TRPV5: variants seen among roughly 807,000 people sequenced by gnomAD.
TRPV5 encodes transient receptor potential cation channel subfamily V member 5, also known as calcium transport protein 2.
A neutral mutation model predicts 74.1 loss-of-function variants in TRPV5; 66 were observed. The observed-to-expected ratio is 0.89, with a 90% CI of 0.73 to 1.09. The LOEUF (loss-of-function observed/expected upper bound fraction) is 1.09, where lower values mean the gene tolerates loss of function less well. Ranked by LOEUF, TRPV5 falls within the 50% of genes least tolerant of loss-of-function variation. The probability of loss-of-function intolerance (pLI) is 0.00; values close to 1 mark genes in which losing one functional copy is unlikely to be tolerated. For missense variants in TRPV5, 936 were observed against 930.4 expected (o/e 1.01, Z -0.08); for synonymous variants, 399 against 360.7 (o/e 1.11, Z -1.20).
Position 142,933,689 on chromosome 7 carries a change from T to G in TRPV5, c.-230A>C. The G allele has an allele frequency of 1.8e-6, 1 of 566,716 alleles. No homozygotes were observed. The allele number at this position is 566,716 out of a possible 1,614,324, so 35.1% of individuals were successfully genotyped here. On this transcript the variant is annotated 5_prime_UTR_variant, in exon 1 of 15. Coordinates refer to ENST00000265310, the MANE Select transcript of TRPV5 (RefSeq NM_019841.7). ...AGTGTGTGGCTGTGGTGTATGTGTG[T>G]GCATGCAGTGTGTGGTTGTGAGGTG... is the stretch of plus-strand genomic sequence containing the variant.
At position 142,914,866 on chromosome 7, in the gene TRPV5, C is replaced by T. The variant is rs1301640246; in HGVS notation, c.1452+15G>A. 9.3e-6 allele frequency: 15 copies of T among 1,613,470 alleles called. No homozygotes were observed. Among genetic ancestry groups the T allele is most frequent in the Admixed American group, 3.3e-5 (2 of 59,986 alleles). On this transcript the variant is annotated intron_variant, in intron 11 of 14. Transcript: ENST00000265310. The stretch of plus-strand genomic sequence containing the variant: ...CTTGTGCCTGAGGCGGAGGAAGCTT[C>T]GGGAAAGCACTGACCTTCTGGATCA...
chr7:142,915,879 C>T (rs913015096), intron 8 of TRPV5, among the ~76,000 whole-genome samples: 2 of 152,182 alleles, frequency 1.3e-5, no homozygotes, highest in South Asian at 2.1e-4. Flanking sequence ...CACATTTCAG[C>T]GCATCAAGTG....
At chr7:142,932,333 G>A (rs1796110659) in intron 1 of TRPV5, among the ~76,000 whole-genome samples, 1 of 152,326 alleles carries the variant, frequency 6.6e-6, no homozygotes, top group Admixed American at 6.5e-5. Flanking sequence ...AAGCAGGAAG[G>A]TGAGATTCCA....
chr7:142,911,988 A>C (rs4252500), intron 13 of TRPV5, among the ~76,000 whole-genome samples: 148,255 of 152,232 alleles, frequency 0.97, 72,215 homozygotes, highest in East Asian at 0.99. Flanking sequence ...ATAATAAGGT[A>C]CTAATCAGCA....
Position 142,929,509 on chromosome 7 carries a change from G to A in TRPV5, c.406C>T (p.Leu136=), listed in dbSNP as rs1434221025. The A allele has an allele frequency of 6.2e-7, 1 of 1,614,108 alleles. No homozygotes were observed. The highest frequency in any genetic ancestry group is 8.5e-7 in the Non-Finnish European group (1 of 1,180,010). The part of the protein sequence containing the change: ...VNQNVNLVRA[L]LTRRASVSAR... ...GAGACACTGGCCCTGCGGGTGAGCA[G>A]GGCACGCACCAGGTTCACATTCTGG... is the stretch of plus-strand genomic sequence containing the variant. Residue 136 remains leucine, a synonymous_variant, in exon 4 of 15, where the codon CTG becomes TTG. Coordinates refer to ENST00000265310, the MANE Select transcript of TRPV5 (RefSeq NM_019841.7).
chr7:142,931,654 C>T (rs994089518), intron 1 of TRPV5, among the ~76,000 whole-genome samples: 1 of 152,328 alleles, frequency 6.6e-6, no homozygotes, highest in Non-Finnish European at 1.5e-5. Flanking sequence ...CTCCAAATCC[C>T]TCTCTTCCAA....
chr7:142,932,383 T>C (rs562611516), intron 1 of TRPV5, among the ~76,000 whole-genome samples: 1 of 152,206 alleles, frequency 6.6e-6, no homozygotes, highest in South Asian at 2.1e-4. Context: ...GCAGAGGGCT[T>C]GACAGTATGA....
At chr7:142,919,785 C>G (rs545550870) in intron 8 of TRPV5, among the ~76,000 whole-genome samples, 1 of 152,228 alleles carries the variant, frequency 6.6e-6, no homozygotes, top group South Asian at 2.1e-4. Context: ...CAAAGCAGTG[C>G]CTGGGGCACT....
In TRPV5 at chr7:142,915,690, AC is replaced by A. The variant is rs1357837991; in HGVS notation, c.1123-123del. On this transcript the variant is annotated intron_variant, in intron 8 of 14. Transcript: ENST00000265310. Reference sequence around the variant, plus strand: ...GGAAACTCCCCTTCCCACCAGCATCACCCCACCCCCATTGTACTTGCCATTG... The same window carrying A: ...GGAAACTCCCCTTCCCACCAGCATCACCCACCCCCATTGTACTTGCCATTG... The A allele has an allele frequency of 7.0e-6, 6 of 861,696 alleles. No homozygotes were observed. In the East Asian group the frequency reaches 1.6e-4, roughly 23 times the overall value. 53.4% of individuals were successfully genotyped at this position (861,696 alleles called of 1,614,324 possible).
chr7:142,920,150 A>T (rs553109593), intron 8 of TRPV5, among the ~76,000 whole-genome samples: 7 of 152,284 alleles, frequency 4.6e-5, no homozygotes, highest in African/African-American at 1.7e-4. Context: ...CGTGTATCCC[A>T]AGTTGAGAAC....
chr7:142,912,573 G>C lies in TRPV5; in HGVS notation c.1697C>G (p.Ala566Gly), dbSNP rs757175901. 4 of 1,614,152 alleles carry C rather than the reference G, an allele frequency of 2.5e-6. 1 individual carries two copies. In the South Asian group the frequency reaches 4.4e-5, roughly 18 times the overall value. Residue 566 changes from alanine (A) to glycine (G), a missense_variant, in exon 13 of 15, where the codon GCC becomes GGC. By Grantham distance (60) the Ala-to-Gly change is moderately conservative. Coordinates refer to ENST00000265310, the MANE Select transcript of TRPV5 (RefSeq NM_019841.7). ...GAACAAGTTGAGCATGAGCAGTGTGGCAATGATGGTGAAGGCGAAGTTGAC... is the reference window on the plus strand; with the variant it reads ...GAACAAGTTGAGCATGAGCAGTGTGCCAATGATGGTGAAGGCGAAGTTGAC... Reference protein sequence around the residue: ...SIVNFAFTIIATLLMLNLFIA... With the variant: ...SIVNFAFTIIGTLLMLNLFIA...
At position 142,912,506 on chromosome 7, in the gene TRPV5, C is replaced by G. The variant is rs1205054791; in HGVS notation, c.1764G>C (p.Glu588Asp). The part of the protein sequence containing the change: ...MGDTHWRVAQ[E>D]RDELWRAQVV... ...CCTGGGCCCTCCAGAGCTCATCCCT[C>G]TCCTGGGCCACCCTCCAGTGGGTGT... The change falls in exon 13 of 15, where the codon GAG (glutamate) becomes GAC (aspartate). Residue 588 changes from glutamate (E) to aspartate (D), a missense_variant. Transcript: ENST00000265310. The G allele has an allele frequency of 1.2e-6, 2 of 1,614,090 alleles. No individual in the cohort carries two copies. The highest frequency in any genetic ancestry group is 1.7e-6 in the Non-Finnish European group (2 of 1,180,024).
At chr7:142,928,009 G>T in intron 7 of TRPV5, 79 bp downstream of exon 7, 1 of 1,571,906 alleles carries the variant, frequency 6.4e-7, no homozygotes, top group South Asian at 1.1e-5. Context: ...TCAGGCCCAG[G>T]ATCTTAGTAA....
At chr7:142,915,612 T>TG (rs750434116) in intron 8 of TRPV5, 44 bp from the exon 9 acceptor site, 62 of 1,593,844 alleles carry the variant, frequency 3.9e-5, no homozygotes, top group Admixed American at 6.7e-5. Context: ...ATGGGCAGAG[T>TG]CAAATCCTTT....
At chr7:142,919,626 A>G (rs1025156884) in intron 8 of TRPV5, among the ~76,000 whole-genome samples, 11 of 152,172 alleles carry the variant, frequency 7.2e-5, no homozygotes, top group African/African-American at 2.7e-4. Context: ...ACTCCACAAC[A>G]TGGCTTGCAA....
chr7:142,927,597 G>A (rs1796008854), intron 7 of TRPV5, among the ~76,000 whole-genome samples: 1 of 139,316 alleles, frequency 7.2e-6, no homozygotes, highest in Non-Finnish European at 1.7e-5. Context: ...GAGGAAGAGA[G>A]AGCAGGAGGA....
intron 14 of TRPV5, among the ~76,000 whole-genome samples, chr7:142,909,073 C>T (rs796116835): frequency 7.2e-5 from 11 of 151,924 alleles, no homozygotes; most frequent in African/African-American, 2.2e-4. Context: ...GTTACTAATA[C>T]GTAGGAATGT....
Position 142,928,838 on chromosome 7 carries a change from G to A in TRPV5, c.615C>T (p.Leu205=), listed in dbSNP as rs4252411. ...LGNTVLHILI[L]QPNKTFACQM... is the part of the protein sequence containing the mutation. ...GGCAGGCAAAGGTTTTGTTGGGCTG[G>A]AGGATGAGGATGTGTAATACTGTGT... is the stretch of plus-strand genomic sequence containing the variant. The change falls in exon 6 of 15, where the codon CTC becomes CTT. Residue 205 remains leucine, a synonymous_variant. Coordinates refer to ENST00000265310, the MANE Select transcript of TRPV5 (RefSeq NM_019841.7). 105,666 of 1,614,004 alleles carry A rather than the reference G, an allele frequency of 0.065. 7,353 individuals carry two copies. The highest frequency in any genetic ancestry group is 0.37 in the African/African-American group (27,443 of 74,924).
chr7:142,927,070 G>C (rs764347431), intron 7 of TRPV5, among the ~76,000 whole-genome samples: 1 of 152,060 alleles, frequency 6.6e-6, no homozygotes, highest in Non-Finnish European at 1.5e-5. Flanking sequence ...ACTCAACCCA[G>C]CATTGTTGAA....
Sources: allele counts gnomAD v4.1 joint callset (sites outside exome capture counted in the v4.1 genomes callset), GRCh38; gene constraint gnomAD v4.1.1; transcripts MANE v1.5; gene names NCBI Gene and HGNC (gene_info 2026-07-23, HGNC 2026-07-21).